ZNF90: variants seen among roughly 807,000 people sequenced by gnomAD.
The protein encoded by ZNF90 is zinc finger protein 90, also known as zinc finger protein HTF9.
Under a neutral mutation model 12.0 loss-of-function variants are expected in ZNF90, and 11 were observed. The ratio of observed to expected loss-of-function variants is 0.92; its 90% CI spans 0.58 to 1.52. ZNF90 has a LOEUF of 1.52. Among genes scored for constraint, ZNF90 ranks in the 40% most tolerant of loss-of-function variants. The pLI, the probability that ZNF90 is intolerant of heterozygous loss-of-function variation, is 0.00. For synonymous variants in ZNF90, 232 were observed against 240.1 expected, an observed-to-expected ratio of 0.97 and a Z score of 0.31; for missense variants, 765 against 711.5, an observed-to-expected ratio of 1.08 and a Z score of -0.86.
chr19:20,100,483 GCCT>G (rs2088980702), intron 1 of ZNF90, among the ~76,000 whole-genome samples: 1 of 152,146 alleles, frequency 6.6e-6, no homozygotes. Flanking sequence ...TTCAACTGGA[GCCT>G]CAGGTGCAGT....
chr19:20,097,342 T>G (rs782138655), intron 1 of ZNF90, among the ~76,000 whole-genome samples: 4 of 152,230 alleles, frequency 2.6e-5, no homozygotes, highest in Non-Finnish European at 5.9e-5. Context: ...CTGACACTTG[T>G]GCAGCACAGT....
chr19:20,118,105 A>C lies in ZNF90; in HGVS notation c.551A>C (p.Gln184Pro). ...KCIECGKAFN[Q>P]SSTLATHKKI... is the part of the protein sequence containing the mutation. ...ATAGAATGTGGCAAAGCTTTCAACC[A>C]GTCCTCAACCCTTGCTACACATAAG... The change falls in exon 4 of 4, where the codon CAG becomes CCG. Residue 184 changes from glutamine to proline, a missense_variant. Transcript: ENST00000418063. 4 of 1,613,570 alleles carry C rather than the reference A, an allele frequency of 2.5e-6. No homozygotes were observed. Among genetic ancestry groups the C allele is most frequent in the Non-Finnish European group, 3.4e-6 (4 of 1,179,692 alleles).
At chr19:20,110,021 TA>T (rs1374596816) in intron 3 of ZNF90, among the ~76,000 whole-genome samples, 5 of 152,282 alleles carry the variant, frequency 3.3e-5, no homozygotes, top group Middle Eastern at 3.4e-3. Context: ...ACTTATTTCA[TA>T]TAAGTGAAAT....
chr19:20,087,883 G>A (rs1448905740), intron 1 of ZNF90, among the ~76,000 whole-genome samples: 9 of 152,138 alleles, frequency 5.9e-5, no homozygotes, highest in Non-Finnish European at 1.0e-4. Flanking sequence ...GACAGGAATG[G>A]GGGTCGCAAG....
At chr19:20,116,993 A>ATTGGCAACTTACATTTGTGTGTGT (rs2089142102) in intron 3 of ZNF90, among the ~76,000 whole-genome samples, 1 of 150,128 alleles carries the variant, frequency 6.7e-6, no homozygotes, top group Non-Finnish European at 1.5e-5. Flanking sequence ...AAAAAAAAAA[A>ATTGGCAACTTACATTTGTGTGTGT]AAGAATTGGC....
intron 1 of ZNF90, among the ~76,000 whole-genome samples, chr19:20,082,236 C>CA (rs2088825783): frequency 6.6e-6 from 1 of 152,164 alleles, no homozygotes; most frequent in African/African-American, 2.4e-5. Context: ...TCTCCACCCT[C>CA]TACTAGGTCT....
At chr19:20,080,394 CACAAACGGACTGTGTGG>C (rs2088811023) in intron 1 of ZNF90, 2 of 411,432 alleles carry the variant, frequency 4.9e-6, no homozygotes, top group Non-Finnish European at 9.6e-6. Flanking sequence ...CTTACCTCCC[CACAAACGGACTGTGTGG>C]ATGCGGCGGG....
chr19:20,078,258 TG>T, intron 1 of ZNF90, 123 bp downstream of exon 1: 2 of 1,329,034 alleles, frequency 1.5e-6, no homozygotes, highest in Non-Finnish European at 2.1e-6. Flanking sequence ...GACTTCTCCT[TG>T]CCCAGTTCGG....
intron 3 of ZNF90, among the ~76,000 whole-genome samples, chr19:20,110,037 C>T (rs1555704894): frequency 3.3e-5 from 5 of 152,128 alleles, no homozygotes; most frequent in Non-Finnish European, 7.3e-5. Flanking sequence ...TGAAATCATA[C>T]AGTATCCATA....
At chr19:20,100,371 T>A (rs1247801493) in intron 1 of ZNF90, among the ~76,000 whole-genome samples, 1 of 152,130 alleles carries the variant, frequency 6.6e-6, no homozygotes, top group Non-Finnish European at 1.5e-5. Context: ...GCCAAAAAAA[T>A]AATCCCCTGC....
chr19:20,110,165 T>C (rs934296413), intron 3 of ZNF90, among the ~76,000 whole-genome samples: 5 of 152,252 alleles, frequency 3.3e-5, no homozygotes, highest in African/African-American at 1.2e-4. Context: ...GTTACTTTTT[T>C]TGATGTTTAT....
At chr19:20,097,639 T>C (rs2088959123) in intron 1 of ZNF90, among the ~76,000 whole-genome samples, 1 of 152,220 alleles carries the variant, frequency 6.6e-6, no homozygotes, top group Non-Finnish European at 1.5e-5. Flanking sequence ...ACAAATGTGC[T>C]ATAAACATGC....
In ZNF90 at chr19:20,119,284, C is replaced by T. The variant is rs1555706307; in HGVS notation, c.1730C>T (p.Ser577Phe). 6 of 1,613,190 alleles carry T rather than the reference C, an allele frequency of 3.7e-6. No homozygotes were observed. In the African/African-American group the frequency reaches 5.3e-5, roughly 14 times the overall value. The change falls in exon 4 of 4, where the codon TCC becomes TTC. Residue 577 changes from serine (S) to phenylalanine (F), a missense_variant. By Grantham distance (155) the Ser-to-Phe change is radical (BLOSUM62 -2). Coordinates refer to ENST00000418063, the MANE Select transcript of ZNF90 (RefSeq NM_007138.2). ...GAATGTGGCAAAGCTTTTAACTTGT[C>T]CTCAGACCTTAATACACATAAGAGG... ...CEECGKAFNL[S>F]SDLNTHKRIH...
rs145076546 is a variant in ZNF90 at position 20,091,053 on chromosome 19, G to A, written c.3+12918G>A. Reference sequence around the variant, plus strand: ...TGTATAGAGGTGGGAAGGCCAAACCGAGGAATTATGTCTGACAGAAGGGAA... The same window carrying A: ...TGTATAGAGGTGGGAAGGCCAAACCAAGGAATTATGTCTGACAGAAGGGAA... On this transcript the variant is annotated intron_variant, in intron 1 of 3. Transcript: ENST00000418063. Among the ~76,000 whole-genome samples, 777 of 152,250 alleles carry A rather than the reference G, an allele frequency of 5.1e-3. 8 individuals are homozygous for A. Among genetic ancestry groups the A allele is most frequent in the African/African-American group, 0.017 (721 of 41,514 alleles).
chr19:20,106,841 G>C, intron 3 of ZNF90: 1 of 453,634 alleles, frequency 2.2e-6, no homozygotes, highest in South Asian at 1.6e-5. Context: ...TAGTGAAGAG[G>C]GGTTGTAGCT....
At chr19:20,113,237 G>T (rs1555705337) in intron 3 of ZNF90, among the ~76,000 whole-genome samples, 1 of 151,372 alleles carries the variant, frequency 6.6e-6, no homozygotes, top group Non-Finnish European at 1.5e-5. Flanking sequence ...TACCCAGGCT[G>T]GAGTACAATG....
intron 2 of ZNF90, 47 bp from the exon 3 acceptor site, chr19:20,105,174 T>C (rs782626254): frequency 4.7e-5 from 68 of 1,455,634 alleles, no homozygotes; most frequent in Admixed American, 2.0e-4. Context: ...TAGCTTGTAA[T>C]TGGAGAATAT....
Position 20,118,602 on chromosome 19 carries a change from T to A in ZNF90, c.1048T>A (p.Phe350Ile). The stretch of plus-strand genomic sequence containing the variant: ...CAAATGTGAAGAATGTGGCAAAGCC[T>A]TCAGGCGCTCCTTAGTCCTTCGTAC... ...PYKCEECGKA[F>I]RRSLVLRTHK... The change falls in exon 4 of 4, where the codon TTC becomes ATC. Residue 350 changes from phenylalanine to isoleucine, a missense_variant. Physicochemically the swap from Phe to Ile is conservative, Grantham distance 21. Coordinates refer to ENST00000418063, the MANE Select transcript of ZNF90 (RefSeq NM_007138.2). 8 of 1,612,620 alleles carry A rather than the reference T, an allele frequency of 5.0e-6. No homozygotes were observed. Among genetic ancestry groups the A allele is most frequent in the Non-Finnish European group, 6.8e-6 (8 of 1,179,720 alleles).
intron 1 of ZNF90, among the ~76,000 whole-genome samples, chr19:20,088,956 T>G (rs1487246962): frequency 1.7e-4 from 26 of 152,182 alleles, no homozygotes; most frequent in Non-Finnish European, 8.8e-5. Flanking sequence ...GCAAATTGAA[T>G]TTTGGGGGTA....
Sources: allele counts gnomAD v4.1 joint callset (sites outside exome capture counted in the v4.1 genomes callset), GRCh38; gene constraint gnomAD v4.1.1; transcripts MANE v1.5; gene names NCBI Gene and HGNC (gene_info 2026-07-23, HGNC 2026-07-21).